The following CHD1L variants were observed in gnomAD, a reference collection of about 807,000 sequenced individuals.
CHD1L encodes the protein chromodomain helicase DNA binding protein 1 like.
Under a neutral mutation model 115.9 loss-of-function variants are expected in CHD1L, and 118 were observed. That is an observed-to-expected ratio of 1.02 (90% CI 0.88 to 1.19). The LOEUF (loss-of-function observed/expected upper bound fraction) is 1.19, where lower values mean the gene tolerates loss of function less well. Ranked by LOEUF, CHD1L falls within the 50% of genes most tolerant of loss-of-function variation. The pLI, the probability that CHD1L is intolerant of heterozygous loss-of-function variation, is 0.00. For synonymous variants in CHD1L, 411 were observed against 387.1 expected (o/e 1.06, Z -0.72); for missense variants, 1,179 against 1,065.3 (o/e 1.11, Z -1.49).
Position 147,294,509 on chromosome 1 carries a change from A to G in CHD1L, c.2607A>G (p.Pro869=), listed in dbSNP as rs1254392412. ...IRKHLAARGI[P]TYIYYFPRSK... ...AACATCTGGCTGCAAGAGGCATCCCAACTTACATGTATCCTTTTGTGATCT... is the reference window on the plus strand; with the variant it reads ...AACATCTGGCTGCAAGAGGCATCCCGACTTACATGTATCCTTTTGTGATCT... Residue 869 remains proline (P), a synonymous_variant, in exon 22 of 23, where the codon CCA becomes CCG. Transcript: ENST00000369258. 1.9e-6 allele frequency: 3 copies of G among 1,610,672 alleles called. No individual in the cohort carries two copies. The highest frequency in any genetic ancestry group is 2.5e-6 in the Non-Finnish European group (3 of 1,178,156).
the CHD1L span, among the ~76,000 whole-genome samples, chr1:147,181,543 A>G: frequency 6.6e-6 from 1 of 152,244 alleles, no homozygotes; most frequent in African/African-American, 2.4e-5. Context: ...GAGATAGGTT[A>G]TATGCAGTAA....
chr1:147,281,178 T>C (rs1180387517), intron 15 of CHD1L, among the ~76,000 whole-genome samples: 1 of 152,240 alleles, frequency 6.6e-6, no homozygotes, highest in Non-Finnish European at 1.5e-5. Context: ...TGTATTTTCA[T>C]ACCTTCCCTT....
the CHD1L span, among the ~76,000 whole-genome samples, chr1:147,219,840 C>CTTTTTTT: frequency 3.0e-5 from 4 of 132,896 alleles, no homozygotes; most frequent in Admixed American, 7.6e-5. Flanking sequence ...ATGTTAATTG[C>CTTTTTTT]TTTTTTTTTT....
chr1:147,295,388 G>C lies in CHD1L; in HGVS notation c.2616-43G>C, dbSNP rs782154626. On this transcript the variant is annotated intron_variant, in intron 22 of 22. Transcript: ENST00000369258. ...AGAACTAGTCGTTTTGGTAAAGTTG[G>C]TTTAAAGTGATGACATGTATCTTCC... 2.1e-6 allele frequency: 3 copies of C among 1,400,236 alleles called. No individual in the cohort carries two copies. In the African/African-American group the frequency reaches 4.2e-5, roughly 20 times the overall value. The allele number at this position is 1,400,236 out of a possible 1,614,324, so 86.7% of individuals were successfully genotyped here.
chr1:147,211,376 C>T, the CHD1L span: 3 of 152,174 alleles, frequency 2.0e-5, no homozygotes, highest in Admixed American at 2.0e-4. Context: ...TATTTTTAAT[C>T]CTTGTTTATA....
At chr1:147,277,160 T>C (rs1214791052) in intron 14 of CHD1L, among the ~76,000 whole-genome samples, 1 of 152,134 alleles carries the variant, frequency 6.6e-6, no homozygotes, top group African/African-American at 2.4e-5. Context: ...AAAGAGAATT[T>C]AGGCTTTAGT....
At chr1:147,190,144 G>A in the CHD1L span, 5,364 of 1,366,664 alleles carry the variant, frequency 3.9e-3, 12 homozygotes, top group Non-Finnish European at 5.0e-3. Context: ...AAGTAGAAAT[G>A]TAACCATATA....
chr1:147,220,708 A>G, the CHD1L span, among the ~76,000 whole-genome samples: 2 of 152,194 alleles, frequency 1.3e-5, no homozygotes, highest in Non-Finnish European at 2.9e-5. Flanking sequence ...TGATTTTCAT[A>G]TATGGCAAAA....
chr1:147,213,759 T>G, the CHD1L span, among the ~76,000 whole-genome samples: 8 of 152,164 alleles, frequency 5.3e-5, no homozygotes, highest in Admixed American at 2.0e-4. Context: ...CTGTAACACC[T>G]GAGTAAAGCC....
At chr1:147,188,522 C>CAAAAAAAA in the CHD1L span, among the ~76,000 whole-genome samples, 1 of 61,248 alleles carries the variant, frequency 1.6e-5, no homozygotes, top group Non-Finnish European at 3.1e-5. Context: ...GACCCCATAT[C>CAAAAAAAA]AAAAAAAAAA....
chr1:147,209,581 G>T, the CHD1L span: 1 of 153,574 alleles, frequency 6.5e-6, no homozygotes, highest in South Asian at 2.0e-4. Context: ...TACTGTCCAA[G>T]AATATGTTTT....
At chr1:147,231,039 C>A in the CHD1L span, among the ~76,000 whole-genome samples, 1 of 151,776 alleles carries the variant, frequency 6.6e-6, no homozygotes. Flanking sequence ...TATTTCTTGC[C>A]TTCTGCTAGC....
At chr1:147,184,908 C>A in the CHD1L span, among the ~76,000 whole-genome samples, 4 of 152,060 alleles carry the variant, frequency 2.6e-5, no homozygotes, top group African/African-American at 9.7e-5. This position sits in a 1 kb window ranked among gnomAD's most constrained non-coding sequence, Gnocchi z 4.4. Flanking sequence ...ATTTGGAATT[C>A]TTCTTCATGG....
intron 21 of CHD1L, 137 bp downstream of exon 21, chr1:147,293,859 A>T (rs782732831): frequency 4.4e-6 from 3 of 678,382 alleles, no homozygotes; most frequent in Non-Finnish European, 7.6e-6. Flanking sequence ...TGATCACCCC[A>T]CCGTCTTGTA....
At chr1:147,274,502 G>A (rs1677542606) in intron 12 of CHD1L, among the ~76,000 whole-genome samples, 1 of 152,158 alleles carries the variant, frequency 6.6e-6, no homozygotes, top group South Asian at 2.1e-4. Flanking sequence ...TATGGAACAA[G>A]CCCTTTCAGG....
the CHD1L span, among the ~76,000 whole-genome samples, chr1:147,182,858 T>C: frequency 0.037 from 5,598 of 152,228 alleles, 146 homozygotes; most frequent in South Asian, 0.095. Flanking sequence ...AAATGAATTA[T>C]AGACGAGGAC....
chr1:147,212,449 C>T, the CHD1L span: 87 of 1,613,892 alleles, frequency 5.4e-5, no homozygotes, highest in Non-Finnish European at 7.3e-5. Flanking sequence ...TTCCCAATGC[C>T]AATTATAATG....
the CHD1L span, among the ~76,000 whole-genome samples, chr1:147,193,032 T>A: frequency 6.6e-6 from 1 of 152,128 alleles, no homozygotes; most frequent in African/African-American, 2.4e-5. Flanking sequence ...ATAAAATGAG[T>A]TAGGGAAGAT....
the CHD1L span, among the ~76,000 whole-genome samples, chr1:147,193,091 C>A: frequency 6.6e-6 from 1 of 152,124 alleles, no homozygotes; most frequent in African/African-American, 2.4e-5. Flanking sequence ...ATGGTACCAG[C>A]TCCTCTTTGT....
Sources: allele counts gnomAD v4.1 joint callset (sites outside exome capture counted in the v4.1 genomes callset), GRCh38; gene constraint gnomAD v4.1.1; non-coding constraint Gnocchi (gnomAD v3.1); transcripts MANE v1.5; gene names NCBI Gene and HGNC (gene_info 2026-07-23, HGNC 2026-07-21).